CNGB1: variants seen among roughly 807,000 people sequenced by gnomAD.
The protein encoded by CNGB1 is cyclic nucleotide gated channel subunit beta 1.
A neutral mutation model predicts 151.7 loss-of-function variants in CNGB1; 126 were observed. The observed-to-expected ratio is 0.83, with a 90% confidence interval of 0.72 to 0.96. CNGB1 has a LOEUF of 0.96. CNGB1 is among the 40% of genes least tolerant of loss of function. The pLI is 0.00. For missense variants in CNGB1, 1,698 were observed against 1,627.0 expected (o/e 1.04, Z -0.75); for synonymous variants, 623 against 635.1 (o/e 0.98, Z 0.29).
Position 57,897,468 on chromosome 16 carries a change from C to A in CNGB1, c.3171G>T (p.Leu1057=). Residue 1057 remains leucine, a synonymous_variant, in exon 31 of 33, where the codon CTG becomes CTT. Coordinates refer to ENST00000251102, the MANE Select transcript of CNGB1 (RefSeq NM_001297.5). Reference sequence around the variant, plus strand: ...AAATCTCATTCAGGTCCTTCTTATCCAGGATGAAGAGGTTGGTAAACCCGT... The same window carrying A: ...AAATCTCATTCAGGTCCTTCTTATCAAGGATGAAGAGGTTGGTAAACCCGT... ...VAHGFTNLFI[L]DKKDLNEILV... is the part of the protein sequence containing the mutation. 6.2e-7 allele frequency: 1 copy of A among 1,614,182 alleles called. No homozygotes were observed. Among genetic ancestry groups the A allele is most frequent in the South Asian group, 1.1e-5 (1 of 91,082 alleles).
At chr16:57,921,732 C>T (rs897191808) in intron 18 of CNGB1, among the ~76,000 whole-genome samples, 1 of 152,176 alleles carries the variant, frequency 6.6e-6, no homozygotes, top group Non-Finnish European at 1.5e-5. Context: ...CTGGAGTTCT[C>T]CCTTTCTAGT....
At chr16:57,948,454 C>T (rs1323557544) in intron 14 of CNGB1, among the ~76,000 whole-genome samples, 2 of 151,868 alleles carry the variant, frequency 1.3e-5, no homozygotes, top group Non-Finnish European at 2.9e-5. Flanking sequence ...CACGCCTGGT[C>T]GACCTTCCTG....
intron 19 of CNGB1, among the ~76,000 whole-genome samples, chr16:57,919,990 T>A (rs946987176): frequency 1.3e-5 from 2 of 152,164 alleles, no homozygotes; most frequent in African/African-American, 4.8e-5. Context: ...ATAGCCTCAA[T>A]AAGAACTTTC....
In CNGB1 at chr16:57,916,119, C is replaced by A. The variant is rs376776815; in HGVS notation, c.2217+10G>T. On this transcript the variant is annotated intron_variant, in intron 22 of 32. Transcript: ENST00000251102. Reference sequence around the variant, plus strand: ...CCGCAGACGCTAAACCTTGCATGCCCGGCACACACCTTGAAGCGGCGAGAC... The same window carrying A: ...CCGCAGACGCTAAACCTTGCATGCCAGGCACACACCTTGAAGCGGCGAGAC... The A allele has an allele frequency of 2.1e-4, 343 of 1,613,644 alleles. No homozygotes were observed. The highest frequency in any genetic ancestry group is 2.7e-4 in the Non-Finnish European group (315 of 1,179,826).
chr16:57,953,888 GA>G (rs111299309), intron 12 of CNGB1, among the ~76,000 whole-genome samples: 5 of 147,522 alleles, frequency 3.4e-5, no homozygotes, highest in South Asian at 2.2e-4. Context: ...AAGAAAGAAA[GA>G]AAAAAAAAAC....
rs571951863 is a variant in CNGB1, at chr16:57,947,607, G to A, written c.1121+1746C>T. Among the ~76,000 whole-genome samples the A allele has an allele frequency of 1.5e-3, 234 of 152,284 alleles. 1 individual carries two copies. The highest frequency in any genetic ancestry group is 2.7e-3 in the Non-Finnish European group (184 of 68,022). ...GCCTTTGAGAGGTTGTGAGCTCCCC[G>A]TCATTGGAGGTAAGCAAGTAGAGGC... On this transcript the variant is annotated intron_variant, in intron 14 of 32. Coordinates refer to ENST00000251102, the MANE Select transcript of CNGB1 (RefSeq NM_001297.5).
Position 57,901,586 on chromosome 16 carries a change from C to T in CNGB1, c.2834G>A (p.Arg945Gln), listed in dbSNP as rs368110743. The change falls in exon 28 of 33, where the codon CGG becomes CAG. Residue 945 changes from arginine (R) to glutamine (Q), a missense_variant. Transcript: ENST00000251102. ...ELMVQLPDKM[R>Q]LDLAIDVNYN... ...GTTCACGTCGATGGCGAGGTCCAGC[C>T]GCATCTTGTCTGGAAGCTGCACCAT... The T allele has an allele frequency of 1.4e-5, 22 of 1,614,020 alleles. No individual in the cohort carries two copies. Among genetic ancestry groups the T allele is most frequent in the African/African-American group, 6.7e-5 (5 of 74,928 alleles).
At chr16:57,970,199 T>A (rs939003475) in intron 1 of CNGB1, among the ~76,000 whole-genome samples, 1 of 152,142 alleles carries the variant, frequency 6.6e-6, no homozygotes, top group Non-Finnish European at 1.5e-5. Context: ...TCCATTTCCC[T>A]GAAGGTGGGG....
At chr16:57,904,331 A>G (rs1277777174) in intron 26 of CNGB1, among the ~76,000 whole-genome samples, 2 of 152,126 alleles carry the variant, frequency 1.3e-5, no homozygotes, top group South Asian at 4.1e-4. Context: ...GCTGGAGGAA[A>G]TAGGAAGCCA....
chr16:57,917,543 G>A, intron 20 of CNGB1, 67 bp from the exon 21 acceptor site: 2 of 1,511,140 alleles, frequency 1.3e-6, no homozygotes, highest in South Asian at 1.1e-5. Context: ...GTTGGATCAG[G>A]TAGGGTTTTG....
chr16:57,967,496 T>C, intron 1 of CNGB1: 1 of 584,604 alleles, frequency 1.7e-6, no homozygotes, highest in Non-Finnish European at 3.0e-6. Context: ...GAGTTTGAGA[T>C]CAGCCTGGGC....
chr16:57,929,645 A>G (rs1180707178), intron 17 of CNGB1, among the ~76,000 whole-genome samples: 2 of 152,210 alleles, frequency 1.3e-5, no homozygotes, highest in African/African-American at 4.8e-5. Context: ...GCAGGAGAGA[A>G]AGAAAGAGCA....
intron 2 of CNGB1, 148 bp from the exon 3 acceptor site, chr16:57,964,692 C>T: frequency 1.2e-6 from 1 of 842,200 alleles, no homozygotes; most frequent in South Asian, 1.5e-5. Flanking sequence ...ATCCTGTTGG[C>T]CTTACCTTCC....
chr16:57,913,109 A>G (rs1960777285), intron 23 of CNGB1, 115 bp from the exon 24 acceptor site: 2 of 912,636 alleles, frequency 2.2e-6, no homozygotes, highest in Admixed American at 3.7e-5. Flanking sequence ...AGGGAACAGG[A>G]CGGTGAGCAT....
rs533615889 is a variant in CNGB1 at position 57,970,558 on chromosome 16, C to T, written c.-9+502G>A. Among the ~76,000 whole-genome samples the T allele has an allele frequency of 3.3e-5, 5 of 152,334 alleles. No homozygotes were observed. In the South Asian group the frequency reaches 6.2e-4, roughly 19 times the overall value. On this transcript the variant is annotated intron_variant, in intron 1 of 32. Coordinates refer to ENST00000251102, the MANE Select transcript of CNGB1 (RefSeq NM_001297.5). Reference sequence around the variant, plus strand: ...ATTTGCCGAGTGTTGGCCTCTTCCGCGGGCCAGGCCTGTAGACCCTTCCCA... The same window carrying T: ...ATTTGCCGAGTGTTGGCCTCTTCCGTGGGCCAGGCCTGTAGACCCTTCCCA...
intron 25 of CNGB1, 31 bp downstream of exon 25, chr16:57,911,722 G>A (rs1336513033): frequency 1.2e-6 from 2 of 1,613,140 alleles, no homozygotes; most frequent in Non-Finnish European, 8.5e-7. Flanking sequence ...GGTCACCCAG[G>A]CATGGCCCCA....
At chr16:57,892,700 T>A (rs1321526829) in intron 31 of CNGB1, among the ~76,000 whole-genome samples, 1 of 152,154 alleles carries the variant, frequency 6.6e-6, no homozygotes, top group Non-Finnish European at 1.5e-5. Context: ...CAAGCTATGC[T>A]AATTTTCTTG....
At chr16:57,885,017 C>T (rs897434484) in intron 32 of CNGB1, among the ~76,000 whole-genome samples, 1 of 152,342 alleles carries the variant, frequency 6.6e-6, no homozygotes, top group South Asian at 2.1e-4. Flanking sequence ...TGCGCTGACC[C>T]CATGTGTGGG....
chr16:57,964,781 G>A (rs2149388936), intron 2 of CNGB1, among the ~76,000 whole-genome samples: 1 of 152,308 alleles, frequency 6.6e-6, no homozygotes, highest in East Asian at 1.9e-4. Context: ...CAAGGTCCAA[G>A]GTGGCCTCCA....
Sources: allele counts gnomAD v4.1 joint callset (sites outside exome capture counted in the v4.1 genomes callset), GRCh38; gene constraint gnomAD v4.1.1; transcripts MANE v1.5; gene names NCBI Gene and HGNC (gene_info 2026-07-23, HGNC 2026-07-21).